POLR1D: variants seen among roughly 807,000 people sequenced by gnomAD.
The protein encoded by POLR1D is DNA-directed RNA polymerases I and III subunit RPAC2.
Under a neutral mutation model 10.8 loss-of-function variants are expected in POLR1D, and 8 were observed. The observed-to-expected ratio is 0.74, with a 90% CI of 0.43 to 1.33. The LOEUF (loss-of-function observed/expected upper bound fraction) is 1.33, where lower values mean the gene tolerates loss of function less well. Ranked by LOEUF, POLR1D falls within the 40% of genes most tolerant of loss-of-function variation. The pLI is 0.01. For missense variants in POLR1D, 152 were observed against 161.7 expected (o/e 0.94, Z 0.32); for synonymous variants, 54 against 57.2 (o/e 0.94, Z 0.25).
chr13:27,621,775 C>A (rs986876522), upstream of POLR1D: 21 of 410,032 alleles, frequency 5.1e-5, no homozygotes, highest in Non-Finnish European at 8.6e-5. Flanking sequence ...ACCGCTCACC[C>A]CGCGTCGGGG....
exon 3 of POLR1D, chr13:27,666,832 A>T (rs1192203979): frequency 6.6e-6 from 1 of 152,008 alleles, no homozygotes; most frequent in Admixed American, 6.6e-5. Context: ...AACCTTTCAA[A>T]CCTGTATTCC....
chr13:27,655,989 A>C (rs1046988183), intron 2 of POLR1D, among the ~76,000 whole-genome samples: 3 of 143,062 alleles, frequency 2.1e-5, no homozygotes, highest in Non-Finnish European at 4.9e-5. Context: ...ATGCTGATAC[A>C]GTTGACTATT....
At chr13:27,665,197 A>C in intron 2 of POLR1D, 1 of 156,360 alleles carries the variant, frequency 6.4e-6, no homozygotes, top group Non-Finnish European at 1.4e-5. Flanking sequence ...TTCTTTACAC[A>C]ATTTTTTTAT....
intron 2 of POLR1D, among the ~76,000 whole-genome samples, chr13:27,652,152 AAGTG>A (rs1359398389): frequency 6.6e-6 from 1 of 152,232 alleles, no homozygotes; most frequent in East Asian, 1.9e-4. Flanking sequence ...TGCAATTTAC[AAGTG>A]AGTAAGAAAA....
At chr13:27,624,861 C>G (rs1407379587), downstream of POLR1D, among the ~76,000 whole-genome samples, 2 of 152,140 alleles carry the variant, frequency 1.3e-5, no homozygotes, top group African/African-American at 4.8e-5. Context: ...GCACTCCAGC[C>G]TGGGTGACAG....
intron 1 of POLR1D, among the ~76,000 whole-genome samples, chr13:27,630,504 C>G (rs1003827762): frequency 1.3e-5 from 2 of 152,026 alleles, no homozygotes; most frequent in Admixed American, 6.6e-5. Context: ...TCTCTGCTGA[C>G]CTCTTTCAAG....
At chr13:27,632,067 A>C (rs534540020) in intron 1 of POLR1D, among the ~76,000 whole-genome samples, 1 of 152,120 alleles carries the variant, frequency 6.6e-6, no homozygotes, top group Non-Finnish European at 1.5e-5. Flanking sequence ...ATTCTGTTTC[A>C]TTTTTGTCTT....
At chr13:27,625,569 G>A (rs1956000375), downstream of POLR1D, among the ~76,000 whole-genome samples, 1 of 151,982 alleles carries the variant, frequency 6.6e-6, no homozygotes, top group South Asian at 2.1e-4. Context: ...AACATTGTAA[G>A]CAGTGGCTAT....
intron 1 of POLR1D, among the ~76,000 whole-genome samples, chr13:27,628,732 C>A (rs891567739): frequency 3.9e-5 from 6 of 152,160 alleles, no homozygotes; most frequent in Non-Finnish European, 7.3e-5. Flanking sequence ...TTGGACTACT[C>A]TGTGGGAAGG....
At chr13:27,641,684 C>A (rs1004521429) in intron 1 of POLR1D, among the ~76,000 whole-genome samples, 1 of 152,156 alleles carries the variant, frequency 6.6e-6, no homozygotes, top group African/African-American at 2.4e-5. Flanking sequence ...ACTTCATGTG[C>A]CCCTCAGTGG....
intron 2 of POLR1D, among the ~76,000 whole-genome samples, chr13:27,658,916 A>C (rs370875914): frequency 6.6e-6 from 1 of 152,242 alleles, no homozygotes; most frequent in East Asian, 1.9e-4. Flanking sequence ...TGCCTGTGGA[A>C]CTTCAGCCTT....
intron 1 of POLR1D, among the ~76,000 whole-genome samples, chr13:27,636,906 A>G (rs1956129569): frequency 6.6e-6 from 1 of 152,230 alleles, no homozygotes; most frequent in Non-Finnish European, 1.5e-5. Flanking sequence ...ATGTACGGCT[A>G]CTTAAAGTAT....
At chr13:27,644,718 A>C (rs1172421318) in intron 1 of POLR1D, among the ~76,000 whole-genome samples, 1 of 152,224 alleles carries the variant, frequency 6.6e-6, no homozygotes, top group Non-Finnish European at 1.5e-5. Flanking sequence ...TTTATGTCTG[A>C]ATAATTTTTT....
downstream of POLR1D, among the ~76,000 whole-genome samples, chr13:27,627,636 T>G (rs1219696267): frequency 6.6e-6 from 1 of 152,156 alleles, no homozygotes; most frequent in East Asian, 1.9e-4. Context: ...AATTGGCGGC[T>G]TATGATTAAT....
At chr13:27,628,622 A>G (rs944020233) in intron 1 of POLR1D, among the ~76,000 whole-genome samples, 15 of 152,214 alleles carry the variant, frequency 9.9e-5, no homozygotes, top group Admixed American at 9.8e-4. Context: ...AATAAATTGT[A>G]TATTTCAGCC....
intron 1 of POLR1D, among the ~76,000 whole-genome samples, chr13:27,643,469 C>T (rs607604): frequency 0.81 from 123,457 of 152,080 alleles, 50,715 homozygotes; most frequent in East Asian, 0.93. Flanking sequence ...GTAGTCAAAA[C>T]ACTAAGTCAT....
chr13:27,662,983 C>T (rs1956379137), intron 2 of POLR1D, among the ~76,000 whole-genome samples: 1 of 152,156 alleles, frequency 6.6e-6, no homozygotes, highest in Non-Finnish European at 1.5e-5. Flanking sequence ...CAGCCACTGT[C>T]TCATGTAGTG....
chr13:27,657,655 A>T (rs1956321105), intron 2 of POLR1D, among the ~76,000 whole-genome samples: 1 of 152,214 alleles, frequency 6.6e-6, no homozygotes, highest in Middle Eastern at 3.2e-3. Context: ...TTTTAAGCTT[A>T]CTAGAAGATC....
intron 1 of POLR1D, among the ~76,000 whole-genome samples, chr13:27,634,919 C>CCTGCCTT (rs1956108363): frequency 6.6e-6 from 1 of 152,110 alleles, no homozygotes; most frequent in Non-Finnish European, 1.5e-5. Context: ...AACCTATCCA[C>CCTGCCTT]CTGCCTTGGC....
Sources: gnomAD v4.1 joint callset for allele counts (sites outside exome capture counted in the v4.1 genomes callset) on GRCh38, gnomAD v4.1.1 for gene constraint, MANE v1.5 for transcripts, NCBI Gene and HGNC (gene_info 2026-07-23, HGNC 2026-07-21) for gene names.